Variants in TTN observed in about 807,000 individuals in gnomAD.
TTN encodes connectin.
In TTN, 1,525 loss-of-function variants were observed where a neutral mutation model predicts 3,223.0. The observed-to-expected ratio is 0.47, with a 90% CI of 0.45 to 0.49. The LOEUF (loss-of-function observed/expected upper bound fraction) is 0.49, where lower values mean the gene tolerates loss of function less well. TTN is among the 20% of genes least tolerant of loss of function. The probability of loss-of-function intolerance (pLI) is 0.00; values close to 1 mark genes in which losing one functional copy is unlikely to be tolerated. For missense variants in TTN, 40,786 were observed against 43,424.0 expected, an observed-to-expected ratio of 0.94 and a Z score of 5.40; for synonymous variants, 14,094 against 15,161.0, an observed-to-expected ratio of 0.93 and a Z score of 5.17.
In TTN at chr2:178,589,922, T is replaced by C. The variant is rs760014192; in HGVS notation, c.61803A>G (p.Ile20601Met). 6.2e-7 allele frequency: 1 copy of C among 1,613,322 alleles called. No individual in the cohort carries two copies. Among genetic ancestry groups the C allele is most frequent in the East Asian group, 2.2e-5 (1 of 44,688 alleles). ...TGCGATATTCTACTATGAAGTTTGT[T>C]ATTTCTGAGCCACCATTATCTAGTG... Reference protein sequence around the residue: ...ENPLDNGGSEITNFIVEYRKP... With the variant: ...ENPLDNGGSEMTNFIVEYRKP... The change falls in exon 304 of 363, where the codon ATA becomes ATG. Residue 20601 changes from isoleucine (I) to methionine (M), a missense_variant. By Grantham distance (10) the Ile-to-Met change is conservative. Transcript: ENST00000589042.
rs752002587 is a variant in TTN at position 178,583,795 on chromosome 2, G to A, written c.65387C>T (p.Ala21796Val). 6.2e-7 allele frequency: 1 copy of A among 1,610,280 alleles called. No homozygotes were observed. Among genetic ancestry groups the A allele is most frequent in the Non-Finnish European group, 8.5e-7 (1 of 1,178,140 alleles). ...CCATTTATCACCAGGAAGTTTGCAA[G>A]CTTCTACGAAATAGCCAATAATTTT... ...GSKIIGYFVE[A>V]CKLPGDKWVR... The change falls in exon 312 of 363, where the codon GCT becomes GTT. Residue 21796 changes from alanine (A) to valine (V), a missense_variant. Transcript: ENST00000589042.
intron 157 of TTN, 78 bp downstream of exon 157, chr2:178,670,140 G>C: frequency 3.4e-6 from 3 of 889,758 alleles, no homozygotes; most frequent in Non-Finnish European, 4.7e-6. Flanking sequence ...GTGGCATTGA[G>C]AAGAGAAAGG....
In TTN at chr2:178,615,247, C is replaced by A; in HGVS notation, c.48638+60G>T. 6.3e-6 allele frequency: 10 copies of A among 1,575,964 alleles called. No homozygotes were observed. The South Asian group carries it at 1.2e-4, about 18-fold the overall frequency. ...AGACAAACATTTAAATTTTCCCCAA[C>A]AAAGCCCATTTTAGTGACTAGGAGT... On this transcript the variant is annotated intron_variant, in intron 259 of 362. Transcript: ENST00000589042.
rs878911323 is a variant in TTN, at chr2:178,644,577, G to A, written c.40448C>T (p.Pro13483Leu). Residue 13483 changes from proline (P) to leucine (L), a missense_variant, in exon 218 of 363, where the codon CCA (proline) becomes CTA (leucine). Coordinates refer to ENST00000589042, the MANE Select transcript of TTN (RefSeq NM_001267550.2). ...KKKVPEKPQVPEKVELTPLKV... is the reference protein window; with the variant it reads ...KKKVPEKPQVLEKVELTPLKV... The stretch of plus-strand genomic sequence containing the variant: ...CAGAGGTGTAAGCTCCACTTTTTCT[G>A]GAACCTGAGGTTTTTCAGGAACTTT... The A allele has an allele frequency of 3.2e-6, 5 of 1,582,902 alleles. No individual in the cohort carries two copies. Among genetic ancestry groups the A allele is most frequent in the Admixed American group, 3.7e-5 (2 of 54,520 alleles).
In TTN at chr2:178,569,693, C is replaced by G; in HGVS notation, c.76439G>C (p.Arg25480Pro). Residue 25480 changes from arginine (R) to proline (P), a missense_variant, in exon 326 of 363, where the codon CGT becomes CCT. Transcript: ENST00000589042. Reference protein sequence around the residue: ...KLLEKHEYNFRICAINKAGVG... With the variant: ...KLLEKHEYNFPICAINKAGVG... Reference sequence around the variant, plus strand: ...TCCAGCTTTATTAATAGCACAGATACGGAAGTTGTATTCATGCTTTTCCAA... The same window carrying G: ...TCCAGCTTTATTAATAGCACAGATAGGGAAGTTGTATTCATGCTTTTCCAA... The G allele has an allele frequency of 2.5e-6, 4 of 1,612,896 alleles. No individual in the cohort carries two copies. The highest frequency in any genetic ancestry group is 3.4e-6 in the Non-Finnish European group (4 of 1,179,450).
At chr2:178,699,483 C>T (rs1174186334) in intron 111 of TTN, among the ~76,000 whole-genome samples, 1 of 129,608 alleles carries the variant, frequency 7.7e-6, no homozygotes, top group African/African-American at 2.9e-5. Flanking sequence ...GCAATCTCGG[C>T]TCACTGCAAG....
chr2:178,767,834 T>C lies in TTN; in HGVS notation c.9396A>G (p.Gly3132=), dbSNP rs1358537431. The part of the protein sequence containing the change: ...SDAGKYTVVA[G]GNVSTAKLFV... ...AGAGTTTTGCAGTTGACACGTTGCC[T>C]CCTGCCACCACTGTGTACTTCCCAG... The change falls in exon 40 of 363, where the codon GGA becomes GGG. Residue 3132 remains glycine, a synonymous_variant. Transcript: ENST00000589042. 1 of 1,614,168 alleles carries C rather than the reference T, an allele frequency of 6.2e-7. No individual in the cohort carries two copies. The highest frequency in any genetic ancestry group is 8.5e-7 in the Non-Finnish European group (1 of 1,180,006).
intron 144 of TTN, 50 bp downstream of exon 144, chr2:178,678,364 A>G (rs376251556): frequency 1.4e-4 from 209 of 1,529,382 alleles, no homozygotes; most frequent in African/African-American, 2.4e-4. Flanking sequence ...GTGAGTATAC[A>G]TAGATGTGAG....
chr2:178,619,064 G>C, intron 250 of TTN: 1 of 638,668 alleles, frequency 1.6e-6, no homozygotes. Context: ...AGAGGATTGA[G>C]AATGGCATAA....
chr2:178,602,592 T>A lies in TTN; in HGVS notation c.54812-2A>T. ...GGCAAGAAGGTGGCCCCGGTGGAAC[T>A]AATAACAAAAGAAAAAAAAAAGCTT... On this transcript the variant is annotated splice_acceptor_variant, in intron 282 of 362. Transcript: ENST00000589042. LOFTEE classifies it high-confidence loss of function. 1 of 1,479,326 alleles carries A rather than the reference T, an allele frequency of 6.8e-7. No homozygotes were observed. The highest frequency in any genetic ancestry group is 9.0e-7 in the Non-Finnish European group (1 of 1,117,284). The allele number at this position is 1,479,326 out of a possible 1,614,324, so 91.6% of individuals were successfully genotyped here.
In TTN at chr2:178,648,540, G is replaced by T. The variant is rs189020512; in HGVS notation, c.40057+708C>A. Among the ~76,000 whole-genome samples, 272 of 152,126 alleles carry T rather than the reference G, an allele frequency of 1.8e-3. 5 individuals carry two copies. In the South Asian group the frequency reaches 0.024, roughly 13 times the overall value. On this transcript the variant is annotated intron_variant, in intron 213 of 362. Transcript: ENST00000589042. ...TTCTCCTGCCTCAGCCTCCCAAGTA[G>T]CTGGGATTACAGGCACATATCACCA...
In TTN at chr2:178,717,300, A is replaced by C; in HGVS notation, c.25434T>G (p.His8478Gln). 1 of 1,613,700 alleles carries C rather than the reference A, an allele frequency of 6.2e-7. No individual in the cohort carries two copies. The highest frequency in any genetic ancestry group is 8.5e-7 in the Non-Finnish European group (1 of 1,179,680). The stretch of plus-strand genomic sequence containing the variant: ...TTTTGATTGGTGCAGTCCCAGTTAC[A>C]TGACATTTAAAAGTACCACTTTCTC... ...ALGESGTFKC[H>Q]VTGTAPIKIT... is the part of the protein sequence containing the mutation. Residue 8478 changes from histidine (H) to glutamine (Q), a missense_variant, in exon 88 of 363, where the codon CAT becomes CAG. Coordinates refer to ENST00000589042, the MANE Select transcript of TTN (RefSeq NM_001267550.2).
chr2:178,784,205 C>T lies in TTN; in HGVS notation c.2640G>A (p.Gln880=). 1 of 1,614,188 alleles carries T rather than the reference C, an allele frequency of 6.2e-7. No homozygotes were observed. Among genetic ancestry groups the T allele is most frequent in the Non-Finnish European group, 8.5e-7 (1 of 1,180,008 alleles). The change falls in exon 16 of 363, where the codon CAG becomes CAA. Residue 880 remains glutamine (Q), a synonymous_variant. Coordinates refer to ENST00000589042, the MANE Select transcript of TTN (RefSeq NM_001267550.2). ...RVRAEPTPLP[Q]FPFADTPDTY... Reference sequence around the variant, plus strand: ...TATCTGGTGTGTCAGCGAAGGGGAACTGTGGCAAGGGTGTGGGCTCTGCCC... The same window carrying T: ...TATCTGGTGTGTCAGCGAAGGGGAATTGTGGCAAGGGTGTGGGCTCTGCCC...
Position 178,733,031 on chromosome 2 carries a change from C to T in TTN, c.16145G>A (p.Gly5382Asp). Reference sequence around the variant, plus strand: ...CCAGGACACCCTCATGGGGAGGGAGCCTGCAATTTTGCAGTCCAGTCTGCA... The same window carrying T: ...CCAGGACACCCTCATGGGGAGGGAGTCTGCAATTTTGCAGTCCAGTCTGCA... ...GTCRLDCKIA[G>D]SLPMRVSWFK... The change falls in exon 55 of 363, where the codon GGC (glycine) becomes GAC (aspartate). Residue 5382 changes from glycine (G) to aspartate (D), a missense_variant. Physicochemically the swap from Gly to Asp is moderately conservative, Grantham distance 94. Transcript: ENST00000589042. 1 of 1,613,492 alleles carries T rather than the reference C, an allele frequency of 6.2e-7. No individual in the cohort carries two copies. Among genetic ancestry groups the T allele is most frequent in the Non-Finnish European group, 8.5e-7 (1 of 1,179,692 alleles).
Position 178,562,238 on chromosome 2 carries a change from A to G in TTN, c.83894T>C (p.Val27965Ala), listed in dbSNP as rs1284864788. ...IARDIEIKPS[V>A]ELPFHTFNVK... ...ATTGAAAGTATGGAAAGGAAGCTCA[A>G]CTGAAGGCTTTATTTCAATATCCCT... Residue 27965 changes from valine to alanine, a missense_variant, in exon 326 of 363, where the codon GTT becomes GCT. Transcript: ENST00000589042. 1.2e-6 allele frequency: 2 copies of G among 1,612,920 alleles called. No individual in the cohort carries two copies. Among genetic ancestry groups the G allele is most frequent in the African/African-American group, 2.7e-5 (2 of 74,860 alleles).
chr2:178,536,712 CT>C, intron 356 of TTN, 137 bp from the exon 357 acceptor site: 1 of 891,284 alleles, frequency 1.1e-6, no homozygotes, highest in South Asian at 2.3e-5. Context: ...AAATTGGTTA[CT>C]TTATACTAAG....
chr2:178,652,972 AC>A, intron 199 of TTN, 41 bp from the exon 200 acceptor site: 1 of 1,604,084 alleles, frequency 6.2e-7, no homozygotes, highest in Non-Finnish European at 8.5e-7. Flanking sequence ...AAGTTTGAAG[AC>A]CACTAGAAAA....
chr2:178,681,526 A>G, intron 136 of TTN, 76 bp from the exon 137 acceptor site: 5 of 1,480,030 alleles, frequency 3.4e-6, no homozygotes, highest in Non-Finnish European at 3.7e-6. Flanking sequence ...AAAAGTTAAG[A>G]AAGACAAATA....
chr2:178,795,594 C>A (rs1288018076), intron 6 of TTN, among the ~76,000 whole-genome samples: 2 of 151,946 alleles, frequency 1.3e-5, no homozygotes, highest in Non-Finnish European at 2.9e-5. Flanking sequence ...AATCCAGCAA[C>A]CTCTGTATTC....
Sources: gnomAD v4.1 joint callset for allele counts (sites outside exome capture counted in the v4.1 genomes callset) on GRCh38, gnomAD v4.1.1 for gene constraint, MANE v1.5 for transcripts, NCBI Gene and HGNC (gene_info 2026-07-23, HGNC 2026-07-21) for gene names.